Variants in ZDHHC21 observed in about 807,000 individuals in gnomAD.
ZDHHC21 encodes the protein zDHHC palmitoyltransferase 21.
Under a neutral mutation model 34.6 loss-of-function variants are expected in ZDHHC21, and 15 were observed. The ratio of observed to expected loss-of-function variants is 0.43; its 90% CI spans 0.29 to 0.67. ZDHHC21 has a LOEUF of 0.67. Among genes scored for constraint, ZDHHC21 ranks in the 30% least tolerant of loss-of-function variants. The pLI is 0.14. For synonymous variants in ZDHHC21, 142 were observed against 101.8 expected (o/e 1.40, Z -2.38); for missense variants, 344 against 327.7 (o/e 1.05, Z -0.38).
intron 2 of ZDHHC21, among the ~76,000 whole-genome samples, chr9:14,681,045 A>G (rs1011655162): frequency 1.3e-5 from 2 of 152,330 alleles, no homozygotes; most frequent in East Asian, 3.9e-4. Context: ...GTAAACTGAA[A>G]TAACAAGAAT....
intron 2 of ZDHHC21, among the ~76,000 whole-genome samples, chr9:14,685,812 C>T (rs866333169): frequency 6.6e-6 from 1 of 152,136 alleles, no homozygotes; most frequent in Non-Finnish European, 1.5e-5. Context: ...CCCAAATGTT[C>T]ATCAATGATA....
rs377003474 is a variant in ZDHHC21 at position 14,672,946 on chromosome 9, T to C, written c.155-18A>G. On this transcript the variant is annotated intron_variant, in intron 4 of 9. Transcript: ENST00000380916. ...ATAGAATACTTTAAAATAAATAAAT[T>C]AAATAAATTAGTCACTTACCCTTCA... is the stretch of plus-strand genomic sequence containing the variant. 6.2e-6 allele frequency: 9 copies of C among 1,445,286 alleles called. No homozygotes were observed. Among genetic ancestry groups the C allele is most frequent in the Middle Eastern group, 2.1e-4 (1 of 4,654 alleles). The allele number at this position is 1,445,286 out of a possible 1,614,324, so 89.5% of individuals were successfully genotyped here. A position where few individuals can be genotyped will look rare whatever the true frequency, so the allele number is the denominator to read the frequency against.
At chr9:14,650,461 T>C (rs1329441240) in intron 7 of ZDHHC21, among the ~76,000 whole-genome samples, 1 of 152,002 alleles carries the variant, frequency 6.6e-6, no homozygotes, top group Non-Finnish European at 1.5e-5. Flanking sequence ...ATTTTAGCAA[T>C]TTTTTTCCAT....
At chr9:14,686,640 T>C (rs1190933068) in intron 2 of ZDHHC21, among the ~76,000 whole-genome samples, 1 of 152,194 alleles carries the variant, frequency 6.6e-6, no homozygotes, top group Non-Finnish European at 1.5e-5. Flanking sequence ...AGTGGGCTCC[T>C]TGGTTGCACC....
At chr9:14,599,949 T>A in the ZDHHC21 span, among the ~76,000 whole-genome samples, 3 of 152,204 alleles carry the variant, frequency 2.0e-5, no homozygotes, top group African/African-American at 7.2e-5. Flanking sequence ...TAGATAAATT[T>A]CAATACCCCT....
At chr9:14,604,028 C>G in the ZDHHC21 span, among the ~76,000 whole-genome samples, 2 of 152,174 alleles carry the variant, frequency 1.3e-5, no homozygotes, top group African/African-American at 4.8e-5. Flanking sequence ...ACATTAGATT[C>G]CTGGCAAATC....
At chr9:14,629,381 G>A (rs879610884) in intron 8 of ZDHHC21, among the ~76,000 whole-genome samples, 30 of 152,150 alleles carry the variant, frequency 2.0e-4, no homozygotes, top group Admixed American at 1.9e-3. Context: ...CATGTTGATA[G>A]AAGGGAAGAG....
the ZDHHC21 span, among the ~76,000 whole-genome samples, chr9:14,605,995 T>A: frequency 6.6e-6 from 1 of 152,102 alleles, no homozygotes; most frequent in African/African-American, 2.4e-5. Context: ...AACAAAAATA[T>A]CAAAGTTTTC....
intron 8 of ZDHHC21, among the ~76,000 whole-genome samples, chr9:14,623,756 T>C (rs1272635276): frequency 6.6e-6 from 1 of 151,158 alleles, no homozygotes; most frequent in Non-Finnish European, 1.5e-5. Context: ...CCACTAGCCA[T>C]CAGAGAAACG....
At chr9:14,635,618 A>G (rs1828153669) in intron 8 of ZDHHC21, among the ~76,000 whole-genome samples, 1 of 152,250 alleles carries the variant, frequency 6.6e-6, no homozygotes, top group Non-Finnish European at 1.5e-5. Flanking sequence ...AAGGCACGTG[A>G]TAACAAGCAA....
rs368449862 is a variant in ZDHHC21, at chr9:14,611,699, A to C, written c.*7267T>G. 1.3e-4 allele frequency: 20 copies of C among 152,062 alleles called. No individual in the cohort carries two copies. The East Asian group carries it at 3.1e-3, about 24-fold the overall frequency. 9.4% of individuals were successfully genotyped at this position (152,062 alleles called of 1,614,324 possible). ...GCTATTCATTAAACTTGCCAGTTAG[A>C]TCACACACAAAAAAACACTAATTCC... On this transcript the variant is annotated 3_prime_UTR_variant, in exon 10 of 10. Transcript: ENST00000380916.
chr9:14,640,094 C>G lies in ZDHHC21; in HGVS notation c.505-82G>C, dbSNP rs28533630. On this transcript the variant is annotated intron_variant, in intron 7 of 9. Coordinates refer to ENST00000380916, the MANE Select transcript of ZDHHC21 (RefSeq NM_178566.6). ...TCGCAATAATAATCAAGAATTGAGC[C>G]ATAACACATCTTCCTTATTATCTTA... 1,174 of 671,638 alleles carry G rather than the reference C, an allele frequency of 1.7e-3. 13 individuals carry two copies. The African/African-American group carries it at 0.018, about 10-fold the overall frequency. 41.6% of individuals were successfully genotyped at this position (671,638 alleles called of 1,614,324 possible). A position where few individuals can be genotyped will look rare whatever the true frequency, so the allele number is the denominator to read the frequency against.
In ZDHHC21 at chr9:14,617,720, T is replaced by C. The variant is rs552028214; in HGVS notation, c.*1246A>G. The C allele has an allele frequency of 1.3e-5, 2 of 152,114 alleles. No individual in the cohort carries two copies. Among genetic ancestry groups the C allele is most frequent in the African/African-American group, 4.8e-5 (2 of 41,558 alleles). The allele number at this position is 152,114 out of a possible 1,614,324, so 9.4% of individuals were successfully genotyped here. A position where few individuals can be genotyped will look rare whatever the true frequency, so the allele number is the denominator to read the frequency against. On this transcript the variant is annotated 3_prime_UTR_variant, in exon 10 of 10. Coordinates refer to ENST00000380916, the MANE Select transcript of ZDHHC21 (RefSeq NM_178566.6). ...ATGTTCTATGCCTTGCAAAAGAACATCACTATTAGTAATTTACATTTGTAC... is the reference window on the plus strand; with the variant it reads ...ATGTTCTATGCCTTGCAAAAGAACACCACTATTAGTAATTTACATTTGTAC...
chr9:14,596,593 A>G, the ZDHHC21 span, among the ~76,000 whole-genome samples: 121 of 152,316 alleles, frequency 7.9e-4, no homozygotes, highest in Non-Finnish European at 1.4e-3. Flanking sequence ...CAGAGAAAAG[A>G]TGAAAACTAG....
At chr9:14,686,201 A>T (rs1217321383) in intron 2 of ZDHHC21, among the ~76,000 whole-genome samples, 6 of 152,158 alleles carry the variant, frequency 3.9e-5, no homozygotes, top group Non-Finnish European at 8.8e-5. Flanking sequence ...CTTAAAGTAT[A>T]ATTTAAAAAA....
intron 8 of ZDHHC21, among the ~76,000 whole-genome samples, chr9:14,632,969 A>G (rs1827616897): frequency 6.6e-6 from 1 of 152,182 alleles, no homozygotes; most frequent in African/African-American, 2.4e-5. Flanking sequence ...GCTAGTGGGA[A>G]TGCAAAATGG....
At position 14,614,417 on chromosome 9, in the gene ZDHHC21, A is replaced by G. The variant is rs777772846; in HGVS notation, c.*4549T>C. The G allele has an allele frequency of 2.0e-5, 3 of 151,794 alleles. No individual in the cohort carries two copies. Among genetic ancestry groups the G allele is most frequent in the Non-Finnish European group, 4.4e-5 (3 of 67,746 alleles). The allele number at this position is 151,794 out of a possible 1,614,324, so 9.4% of individuals were successfully genotyped here. The stretch of plus-strand genomic sequence containing the variant: ...TGCTAAAAATTGCACAATGATAATA[A>G]AAGAAGTCAGAAAAGTCACTTTCCT... On this transcript the variant is annotated 3_prime_UTR_variant, in exon 10 of 10. Transcript: ENST00000380916.
Position 14,688,677 on chromosome 9 carries a change from C to T in ZDHHC21, c.-176+1660G>A, listed in dbSNP as rs528871531. On this transcript the variant is annotated intron_variant, in intron 2 of 9. Transcript: ENST00000380916. ...AGGAGTTCAAGACCAAACTGGCCAA[C>T]GTCGTGAAACCCCATCTCTACTAAA... 2.2e-4 allele frequency among the ~76,000 whole-genome samples: 33 copies of T among 152,262 alleles called. No individual in the cohort carries two copies. The East Asian group carries it at 2.3e-3, about 11-fold the overall frequency.
chr9:14,645,101 C>T (rs1830066146), intron 7 of ZDHHC21, among the ~76,000 whole-genome samples: 1 of 151,946 alleles, frequency 6.6e-6, no homozygotes, highest in Non-Finnish European at 1.5e-5. Context: ...AATCTTTTTT[C>T]TTAGTATTTA....
Sources: gnomAD v4.1 joint callset for allele counts (sites outside exome capture counted in the v4.1 genomes callset) on GRCh38, gnomAD v4.1.1 for gene constraint, MANE v1.5 for transcripts, NCBI Gene and HGNC (gene_info 2026-07-23, HGNC 2026-07-21) for gene names.